EDA: variants seen among roughly 807,000 people sequenced by gnomAD.
EDA encodes the protein ectodysplasin A.
A neutral mutation model predicts 23.6 loss-of-function variants in EDA; 2 were observed. That is an observed-to-expected ratio of 0.08 (90% CI 0.03 to 0.27). The LOEUF (loss-of-function observed/expected upper bound fraction) is 0.27, where lower values mean the gene tolerates loss of function less well. Ranked by LOEUF, EDA falls within the 10% of genes least tolerant of loss-of-function variation. EDA has a pLI of 1.00. For synonymous variants in EDA, 131 were observed against 132.0 expected, an observed-to-expected ratio of 0.99 and a Z score of 0.05; for missense variants, 229 against 324.2, an observed-to-expected ratio of 0.71 and a Z score of 2.26.
intron 1 of EDA, among the ~76,000 whole-genome samples, chrX:69,940,158 A>G (rs1304157729): frequency 9.0e-6 from 1 of 111,420 alleles, no homozygotes; most frequent in African/African-American, 3.3e-5. Flanking sequence ...TTTGAGTAGG[A>G]TTGATATTAG....
chrX:69,831,136 A>G (rs1321316071), intron 1 of EDA, among the ~76,000 whole-genome samples: 3 of 111,484 alleles, frequency 2.7e-5, no homozygotes, highest in Admixed American at 9.6e-5. Flanking sequence ...ACATAAGTAT[A>G]CTTGTGCCAT....
chrX:70,003,680 G>A (rs1175487075), intron 2 of EDA, among the ~76,000 whole-genome samples: 15 of 112,017 alleles, frequency 1.3e-4, no homozygotes, highest in African/African-American at 4.5e-4. Context: ...ACAAGAGATA[G>A]GTATTTCTTT....
chrX:69,834,806 C>G (rs1292122631), intron 1 of EDA, among the ~76,000 whole-genome samples: 2 of 111,575 alleles, frequency 1.8e-5, no homozygotes, highest in Non-Finnish European at 3.8e-5. Flanking sequence ...TTCTTCCTAG[C>G]ATTGATGGTC....
At chrX:69,679,525 A>T (rs1328279196) in intron 1 of EDA, among the ~76,000 whole-genome samples, 2 of 111,467 alleles carry the variant, frequency 1.8e-5, no homozygotes, top group East Asian at 5.6e-4. Flanking sequence ...TCAGAGATTC[A>T]ACATCTTCCT....
chrX:69,945,456 A>G, intron 1 of EDA, among the ~76,000 whole-genome samples: 1 of 112,094 alleles, frequency 8.9e-6, no homozygotes, highest in African/African-American at 3.2e-5. Context: ...GGACAAACCT[A>G]CATTGTTTAT....
intron 2 of EDA, among the ~76,000 whole-genome samples, chrX:70,021,732 A>G (rs2020036515): frequency 8.9e-6 from 1 of 111,980 alleles, no homozygotes; most frequent in Non-Finnish European, 1.9e-5. Context: ...CCAATCTAAA[A>G]CATCCCCTGG....
intron 5 of EDA, among the ~76,000 whole-genome samples, chrX:70,030,204 T>C (rs1278645028): frequency 8.9e-6 from 1 of 112,224 alleles, no homozygotes; most frequent in African/African-American, 3.2e-5. Context: ...AGGCCAGACA[T>C]TCTTATAATC....
chrX:69,786,314 A>AT (rs2015171464), intron 1 of EDA, among the ~76,000 whole-genome samples: 1 of 107,836 alleles, frequency 9.3e-6, no homozygotes, highest in Non-Finnish European at 1.9e-5. Context: ...GATTTTAGTT[A>AT]TTTTTTGCCT....
At chrX:69,721,026 A>C (rs1473764565) in intron 1 of EDA, among the ~76,000 whole-genome samples, 1 of 111,828 alleles carries the variant, frequency 8.9e-6, no homozygotes, top group Non-Finnish European at 1.9e-5. Context: ...TTAGCCTGTG[A>C]GTTGTGGGCC....
At chrX:69,898,039 G>T (rs2018044644) in intron 1 of EDA, among the ~76,000 whole-genome samples, 1 of 111,577 alleles carries the variant, frequency 9.0e-6, no homozygotes, top group Non-Finnish European at 1.9e-5. Flanking sequence ...GTAAGTACAG[G>T]ATCATATTAT....
chrX:69,820,983 A>C (rs2016204913), intron 1 of EDA, among the ~76,000 whole-genome samples: 1 of 111,336 alleles, frequency 9.0e-6, no homozygotes, highest in Non-Finnish European at 1.9e-5. Context: ...CATGGAATCA[A>C]CCTAAATGCC....
At chrX:69,751,875 A>C (rs995243404) in intron 1 of EDA, among the ~76,000 whole-genome samples, 1 of 107,994 alleles carries the variant, frequency 9.3e-6, no homozygotes, top group Non-Finnish European at 1.9e-5. Flanking sequence ...CTGTTCTGTT[A>C]TAACAGGAAT....
chrX:70,009,603 T>C (rs868672098), intron 2 of EDA, among the ~76,000 whole-genome samples: 1 of 108,077 alleles, frequency 9.3e-6, no homozygotes, highest in Admixed American at 9.9e-5. Flanking sequence ...TTGTTTTGTT[T>C]TGATGCGGAG....
At chrX:69,678,822 C>T (rs1934212818) in intron 1 of EDA, among the ~76,000 whole-genome samples, 1 of 53,197 alleles carries the variant, frequency 1.9e-5, no homozygotes, top group Non-Finnish European at 3.0e-5. Flanking sequence ...ATTTCCTTTT[C>T]CTGCCTAATT....
chrX:69,669,221 T>G (rs1333582117), intron 1 of EDA, among the ~76,000 whole-genome samples: 1 of 110,990 alleles, frequency 9.0e-6, no homozygotes, highest in Non-Finnish European at 1.9e-5. Context: ...TTTTTTTTAA[T>G]CCATTCGACT....
intron 1 of EDA, among the ~76,000 whole-genome samples, chrX:69,893,135 C>A (rs2017958677): frequency 9.0e-6 from 1 of 110,979 alleles, no homozygotes; most frequent in Non-Finnish European, 1.9e-5. Flanking sequence ...TGGCTGCTGG[C>A]AAACCTTGCT....
At chrX:69,740,736 CCT>C (rs1227012165) in intron 1 of EDA, among the ~76,000 whole-genome samples, 1 of 109,753 alleles carries the variant, frequency 9.1e-6, no homozygotes, top group Non-Finnish European at 1.9e-5. Flanking sequence ...AGTTTTTCTG[CCT>C]CTTTCTCTCT....
intron 1 of EDA, among the ~76,000 whole-genome samples, chrX:69,633,457 C>T (rs1228103592): frequency 9.0e-6 from 1 of 111,686 alleles, no homozygotes; most frequent in East Asian, 2.8e-4. Flanking sequence ...TTGTCTAATC[C>T]AAGAACATTT....
At chrX:69,818,065 T>A (rs1329612909) in intron 1 of EDA, among the ~76,000 whole-genome samples, 3 of 111,655 alleles carry the variant, frequency 2.7e-5, no homozygotes, top group African/African-American at 9.8e-5. Context: ...GATTAAGAAT[T>A]TCACTCAAAA....
Sources: gnomAD v4.1 joint callset for allele counts (sites outside exome capture counted in the v4.1 genomes callset) on GRCh38, gnomAD v4.1.1 for gene constraint, MANE v1.5 for transcripts, NCBI Gene and HGNC (gene_info 2026-07-23, HGNC 2026-07-21) for gene names.